IQGAP1: variants seen among roughly 807,000 people sequenced by gnomAD.
IQGAP1 encodes ras GTPase-activating-like protein IQGAP1.
In IQGAP1, 66 loss-of-function variants were observed where a neutral mutation model predicts 215.6. The observed-to-expected ratio is 0.31, with a 90% CI of 0.25 to 0.38. IQGAP1 has a LOEUF of 0.38. Among genes scored for constraint, IQGAP1 ranks in the 10% least tolerant of loss-of-function variants. The pLI, the probability that IQGAP1 is intolerant of heterozygous loss-of-function variation, is 1.00. For missense variants in IQGAP1, 1,712 were observed against 1,997.1 expected, an observed-to-expected ratio of 0.86 and a Z score of 2.72; for synonymous variants, 772 against 728.7, an observed-to-expected ratio of 1.06 and a Z score of -0.96.
chr15:90,474,406 C>CT, intron 22 of IQGAP1, 79 bp from the exon 23 acceptor site: 2 of 1,172,888 alleles, frequency 1.7e-6, no homozygotes, highest in Non-Finnish European at 2.6e-6. Flanking sequence ...GAATAGACTA[C>CT]TTTTTCAAGA....
chr15:90,414,895 C>T (rs1399425066), intron 2 of IQGAP1, among the ~76,000 whole-genome samples: 1 of 152,160 alleles, frequency 6.6e-6, no homozygotes, highest in Non-Finnish European at 1.5e-5. Context: ...TGGGTGTCCC[C>T]ATTCTTGTTT....
In IQGAP1 at chr15:90,492,586, C is replaced by T. The variant is rs750054244; in HGVS notation, c.4503C>T (p.Ala1501=). Residue 1501 remains alanine, a synonymous_variant, in exon 35 of 38, where the codon GCC becomes GCT. Coordinates refer to ENST00000268182, the MANE Select transcript of IQGAP1 (RefSeq NM_003870.4). ...NQRRYRQRRK[A]ELVKLQQTYA... is the part of the protein sequence containing the mutation. ...GGAGGTACCGACAGAGGAGAAAGGC[C>T]GAACTAGTGAAACTGCAACAGACAT... The T allele has an allele frequency of 3.1e-5, 50 of 1,612,582 alleles. No homozygotes were observed. The highest frequency in any genetic ancestry group is 1.1e-4 in the South Asian group (10 of 90,648).
At chr15:90,445,099 G>T (rs996490114) in intron 9 of IQGAP1, among the ~76,000 whole-genome samples, 1 of 151,948 alleles carries the variant, frequency 6.6e-6, no homozygotes, top group Non-Finnish European at 1.5e-5. Context: ...TGTAGCCTGG[G>T]CAACAGAGTG....
chr15:90,471,852 C>A (rs1004305138), intron 18 of IQGAP1, among the ~76,000 whole-genome samples: 2 of 137,384 alleles, frequency 1.5e-5, no homozygotes, highest in Non-Finnish European at 3.1e-5. Context: ...AAAAAAAAAT[C>A]GAGGCTCTGG....
intron 36 of IQGAP1, among the ~76,000 whole-genome samples, chr15:90,495,316 C>G (rs1966256467): frequency 6.6e-6 from 1 of 152,180 alleles, no homozygotes; most frequent in Admixed American, 6.5e-5. Flanking sequence ...ATTTATTGAG[C>G]ATCTGCTCAG....
chr15:90,439,412 A>G lies in IQGAP1; in HGVS notation c.535+13A>G, dbSNP rs202062111. 8.9e-4 allele frequency: 1,434 copies of G among 1,605,290 alleles called. 1 individual carries two copies. Among genetic ancestry groups the G allele is most frequent in the Non-Finnish European group, 1.2e-3 (1,384 of 1,172,878 alleles). ...GTTGACTTCACAGGTAAGGAGTTAG[A>G]TACTTGGCAGGAAATGCTTGAATTA... On this transcript the variant is annotated intron_variant, in intron 6 of 37. Coordinates refer to ENST00000268182, the MANE Select transcript of IQGAP1 (RefSeq NM_003870.4).
At chr15:90,445,801 C>A (rs980303245) in intron 9 of IQGAP1, among the ~76,000 whole-genome samples, 3 of 150,880 alleles carry the variant, frequency 2.0e-5, no homozygotes, top group African/African-American at 7.3e-5. Flanking sequence ...TTACCAATTG[C>A]ATAGGATTGG....
In IQGAP1 at chr15:90,428,747, C is replaced by T. The variant is rs577571052; in HGVS notation, c.313-842C>T. On this transcript the variant is annotated intron_variant, in intron 3 of 37. Transcript: ENST00000268182. ...CAGTGAGCCGATTGTGCCAGTGAGC[C>T]GATTGTGCCAGTGCACTGCAGCCTG... is the stretch of plus-strand genomic sequence containing the variant. 2.1e-4 allele frequency among the ~76,000 whole-genome samples: 32 copies of T among 151,330 alleles called. No individual in the cohort carries two copies. In the East Asian group the frequency reaches 4.8e-3, roughly 23 times the overall value.
intron 14 of IQGAP1, among the ~76,000 whole-genome samples, chr15:90,454,807 A>T (rs1965656374): frequency 6.6e-6 from 1 of 152,192 alleles, no homozygotes; most frequent in Non-Finnish European, 1.5e-5. Flanking sequence ...TGCTGTTATA[A>T]CAAGTAGTCC....
intron 5 of IQGAP1, among the ~76,000 whole-genome samples, chr15:90,438,053 A>G (rs1180716801): frequency 6.6e-6 from 1 of 152,184 alleles, no homozygotes; most frequent in South Asian, 2.1e-4. Flanking sequence ...TGGGTTTATT[A>G]TATACAATTT....
chr15:90,433,679 T>C, intron 4 of IQGAP1, 40 bp from the exon 5 acceptor site: 1 of 1,190,232 alleles, frequency 8.4e-7, no homozygotes, highest in Non-Finnish European at 1.2e-6. Flanking sequence ...ATGAACACAG[T>C]GAATGGATAT....
rs373710472 is a variant in IQGAP1 at position 90,477,138 on chromosome 15, T to C, written c.3012T>C (p.Ser1004=). The C allele has an allele frequency of 3.7e-6, 6 of 1,613,920 alleles. No individual in the cohort carries two copies. The highest frequency in any genetic ancestry group is 8.5e-7 in the Non-Finnish European group (1 of 1,179,922). Residue 1004 remains serine (S), a synonymous_variant, in exon 25 of 38, where the codon TCT becomes TCC. Coordinates refer to ENST00000268182, the MANE Select transcript of IQGAP1 (RefSeq NM_003870.4). ...ACAAGTCCACCAAGTTCATGGACTC[T>C]GTAATCTTCACACTCTACAACTACG... ...PQNKSTKFMD[S]VIFTLYNYAS...
intron 2 of IQGAP1, among the ~76,000 whole-genome samples, chr15:90,402,346 T>C (rs1964815792): frequency 6.6e-6 from 1 of 152,208 alleles, no homozygotes; most frequent in Non-Finnish European, 1.5e-5. Context: ...GATTGGAAAT[T>C]GCTTTGGATC....
intron 37 of IQGAP1, among the ~76,000 whole-genome samples, chr15:90,498,661 AG>A (rs200684870): frequency 6.7e-6 from 1 of 149,204 alleles, no homozygotes; most frequent in Admixed American, 6.7e-5. Context: ...CTTTTTTTGG[AG>A]GGGGGGGCAG....
At chr15:90,405,139 T>C (rs1371769539) in intron 2 of IQGAP1, among the ~76,000 whole-genome samples, 4 of 152,202 alleles carry the variant, frequency 2.6e-5, no homozygotes, top group Non-Finnish European at 5.9e-5. Context: ...TTTTGACTTT[T>C]GAATCGTATT....
chr15:90,477,515 G>A lies in IQGAP1; in HGVS notation c.3105-150G>A, dbSNP rs112896850. On this transcript the variant is annotated intron_variant, in intron 25 of 37. Transcript: ENST00000268182. ...TAGTAGCGGACCCAATCATGACCACGATTGAGCGTGCAGCTGCAGGAACAT... is the reference window on the plus strand; with the variant it reads ...TAGTAGCGGACCCAATCATGACCACAATTGAGCGTGCAGCTGCAGGAACAT... 4.2e-5 allele frequency: 28 copies of A among 663,336 alleles called. No individual in the cohort carries two copies. In the Admixed American group the frequency reaches 5.0e-4, roughly 12 times the overall value. 41.1% of individuals were successfully genotyped at this position (663,336 alleles called of 1,614,324 possible). A position where few individuals can be genotyped will look rare whatever the true frequency, so the allele number is the denominator to read the frequency against.
chr15:90,436,943 C>T (rs1379952789), intron 5 of IQGAP1, among the ~76,000 whole-genome samples: 1 of 152,190 alleles, frequency 6.6e-6, no homozygotes, highest in African/African-American at 2.4e-5. Flanking sequence ...AAAGCTAAGT[C>T]AGTGTTCCTG....
At chr15:90,436,735 T>G (rs1177078096) in intron 5 of IQGAP1, among the ~76,000 whole-genome samples, 1 of 152,230 alleles carries the variant, frequency 6.6e-6, no homozygotes, top group Non-Finnish European at 1.5e-5. Flanking sequence ...TTTATAAGTT[T>G]CAGTGTGAAG....
intron 9 of IQGAP1, 102 bp from the exon 10 acceptor site, chr15:90,448,471 T>C: frequency 9.4e-7 from 1 of 1,058,752 alleles, no homozygotes. Context: ...CTCTGAGTTA[T>C]ATTTCCTTAT....
Sources: gnomAD v4.1 joint callset for allele counts (sites outside exome capture counted in the v4.1 genomes callset) on GRCh38, gnomAD v4.1.1 for gene constraint, MANE v1.5 for transcripts, NCBI Gene and HGNC (gene_info 2026-07-23, HGNC 2026-07-21) for gene names.